The following TBL1Y variants were observed in gnomAD, a reference collection of about 807,000 sequenced individuals.
TBL1Y encodes the protein F-box-like/WD repeat-containing protein TBL1Y.
A neutral mutation model predicts 12.0 loss-of-function variants in TBL1Y; 15 were observed. The observed-to-expected ratio is 1.25, with a 90% confidence interval of 0.83 to 1.92. The LOEUF (loss-of-function observed/expected upper bound fraction) is 1.92. Among genes scored for constraint, TBL1Y ranks in the 40% most tolerant of loss-of-function variants. The pLI, the probability that TBL1Y is intolerant of heterozygous loss-of-function variation, is 0.00. For synonymous variants in TBL1Y, 53 were observed against 42.6 expected (o/e 1.24, Z -0.95); for missense variants, 148 against 116.7 (o/e 1.27, Z -1.24).
intron 2 of TBL1Y, among the ~76,000 whole-genome samples, chrY:6,960,790 G>A: frequency 1.2e-4 from 4 of 33,048 alleles, no homozygotes; most frequent in African/African-American, 4.7e-4. Context: ...AATTTCCTTG[G>A]GGCAAGATTT....
intron 17 of TBL1Y, among the ~76,000 whole-genome samples, chrY:7,089,392 G>C: frequency 3.0e-5 from 1 of 33,236 alleles, no homozygotes; most frequent in African/African-American, 1.2e-4. Flanking sequence ...ATGGGCAAGA[G>C]ATTTATTGGG....
chrY:7,079,245 G>A (rs2124187816), intron 13 of TBL1Y, among the ~76,000 whole-genome samples: 4 of 33,714 alleles, frequency 1.2e-4, no homozygotes, highest in Non-Finnish European at 1.5e-4. Context: ...CAACATCTGC[G>A]TCTGCAGCTG....
intron 2 of TBL1Y, among the ~76,000 whole-genome samples, chrY:6,916,491 C>T: frequency 8.3e-5 from 2 of 24,050 alleles, no homozygotes; most frequent in Non-Finnish European, 9.1e-5. Flanking sequence ...GAGGCTGAGT[C>T]GGGTAGATCA....
intron 14 of TBL1Y, among the ~76,000 whole-genome samples, chrY:7,081,265 G>A (rs1603051237): frequency 3.0e-5 from 1 of 33,339 alleles, no homozygotes; most frequent in East Asian, 8.1e-4. Flanking sequence ...ATAATTGCTC[G>A]AGGCCAGATA....
At chrY:6,998,711 T>C in intron 4 of TBL1Y, among the ~76,000 whole-genome samples, 2 of 33,455 alleles carry the variant, frequency 6.0e-5, no homozygotes, top group Admixed American at 2.7e-4. Context: ...GAGCCCCTAA[T>C]GGTCGAACCT....
intron 6 of TBL1Y, among the ~76,000 whole-genome samples, chrY:7,026,870 T>C (rs2012628076): frequency 3.0e-5 from 1 of 33,549 alleles, no homozygotes; most frequent in Admixed American, 2.7e-4. Context: ...TTAGGTGGAG[T>C]TGGTATTGAA....
At chrY:7,079,633 A>C (rs2124187972) in intron 13 of TBL1Y, among the ~76,000 whole-genome samples, 1 of 34,203 alleles carries the variant, frequency 2.9e-5, no homozygotes, top group Non-Finnish European at 7.3e-5. Flanking sequence ...GCCCTGAGGC[A>C]TATGTCCTAT....
intron 14 of TBL1Y, among the ~76,000 whole-genome samples, chrY:7,083,140 C>T: frequency 1.5e-4 from 5 of 33,744 alleles, no homozygotes; most frequent in Admixed American, 1.3e-3. Flanking sequence ...CCCAACTGTC[C>T]TGCTCCAGAC....
chrY:7,075,486 A>G (rs766457884), intron 13 of TBL1Y, among the ~76,000 whole-genome samples: 715 of 33,635 alleles, frequency 0.021, no homozygotes, highest in Middle Eastern at 0.042. Flanking sequence ...AACACCATTG[A>G]TGAGGTAGAT....
At chrY:7,032,845 A>C in intron 6 of TBL1Y, among the ~76,000 whole-genome samples, 1 of 33,764 alleles carries the variant, frequency 3.0e-5, no homozygotes, top group Admixed American at 2.7e-4. Flanking sequence ...GTGTAGAGGG[A>C]AATTTATAGC....
chrY:6,980,519 T>C (rs111526531), intron 3 of TBL1Y, among the ~76,000 whole-genome samples: 2,348 of 32,891 alleles, frequency 0.071, no homozygotes, highest in Non-Finnish European at 0.11. Context: ...TTAGCCTATA[T>C]ATTACTCTTT....
chrY:6,949,575 A>G (rs2012009768), intron 2 of TBL1Y, among the ~76,000 whole-genome samples: 1 of 33,650 alleles, frequency 3.0e-5, no homozygotes, highest in Non-Finnish European at 7.4e-5. Flanking sequence ...ACAAAAATGA[A>G]TACAGATTTC....
At chrY:6,928,709 C>T in intron 2 of TBL1Y, among the ~76,000 whole-genome samples, 1 of 33,666 alleles carries the variant, frequency 3.0e-5, no homozygotes, top group Non-Finnish European at 7.4e-5. Context: ...ACAGCCCTGG[C>T]TTGGGTATCC....
Position 6,918,370 on chromosome Y carries a change from A to C in TBL1Y, c.-266+6198A>C, listed in dbSNP as rs756225915. Among the ~76,000 whole-genome samples, 5 of 32,607 alleles carry C rather than the reference A, an allele frequency of 1.5e-4. No individual in the cohort carries two copies. The South Asian group carries it at 3.6e-3, about 24-fold the overall frequency. 87.5% of individuals were successfully genotyped at this position (32,607 alleles called of 37,273 possible). A position where few individuals can be genotyped will look rare whatever the true frequency, so the allele number is the denominator to read the frequency against. On this transcript the variant is annotated intron_variant, in intron 2 of 18. Transcript: ENST00000383032. Reference sequence around the variant, plus strand: ...AAGATTTCCCAGGCTTGTTATATTAAATGAGCTAGAATTATATTTTCATGT... The same window carrying C: ...AAGATTTCCCAGGCTTGTTATATTACATGAGCTAGAATTATATTTTCATGT...
At chrY:7,034,982 A>G in intron 6 of TBL1Y, among the ~76,000 whole-genome samples, 1 of 33,563 alleles carries the variant, frequency 3.0e-5, no homozygotes, top group Admixed American at 2.7e-4. Flanking sequence ...TAATTAACTT[A>G]AAGAGCTTCT....
At chrY:6,980,571 T>C in intron 3 of TBL1Y, among the ~76,000 whole-genome samples, 1 of 33,733 alleles carries the variant, frequency 3.0e-5, no homozygotes, top group Non-Finnish European at 7.3e-5. Flanking sequence ...AAATGAGCAT[T>C]GTTCATAGTT....
At chrY:6,986,137 C>T (rs2012316030) in intron 3 of TBL1Y, among the ~76,000 whole-genome samples, 1 of 32,269 alleles carries the variant, frequency 3.1e-5, no homozygotes, top group African/African-American at 1.2e-4. Context: ...ATTCTTACCA[C>T]AGGATATTTG....
At chrY:7,058,622 C>A in intron 7 of TBL1Y, among the ~76,000 whole-genome samples, 3 of 34,096 alleles carry the variant, frequency 8.8e-5, no homozygotes, top group Admixed American at 2.6e-4. Context: ...AATATTTGAT[C>A]CATTCCACCC....
intron 8 of TBL1Y, among the ~76,000 whole-genome samples, chrY:7,064,547 G>A: frequency 3.0e-5 from 1 of 33,615 alleles, no homozygotes; most frequent in Non-Finnish European, 7.3e-5. Context: ...CGAGGGCACT[G>A]GGCCCCAAAA....
Sources: gnomAD v4.1 joint callset for allele counts (sites outside exome capture counted in the v4.1 genomes callset) on GRCh38, gnomAD v4.1.1 for gene constraint, MANE v1.5 for transcripts, NCBI Gene and HGNC (gene_info 2026-07-23, HGNC 2026-07-21) for gene names.